Variants in CNTN5 observed in about 807,000 individuals in gnomAD.
CNTN5 encodes the protein contactin 5.
In CNTN5, 77 loss-of-function variants were observed where a neutral mutation model predicts 129.1. The observed-to-expected ratio is 0.60, with a 90% CI of 0.50 to 0.72. The LOEUF (loss-of-function observed/expected upper bound fraction) is 0.72. Ranked by LOEUF, CNTN5 falls within the 30% of genes least tolerant of loss-of-function variation. CNTN5 has a pLI of 0.00. For synonymous variants in CNTN5, 509 were observed against 465.6 expected, an observed-to-expected ratio of 1.09 and a Z score of -1.20; for missense variants, 1,478 against 1,328.8, an observed-to-expected ratio of 1.11 and a Z score of -1.75.
At chr11:99,771,069 T>A (rs143019164) in intron 3 of CNTN5, among the ~76,000 whole-genome samples, 10 of 152,190 alleles carry the variant, frequency 6.6e-5, no homozygotes, top group Admixed American at 2.0e-4. Context: ...TAGTAAATGG[T>A]GTAGAGGAAC....
chr11:99,678,969 A>G (rs2453258), intron 3 of CNTN5, among the ~76,000 whole-genome samples: 2 of 144,634 alleles, frequency 1.4e-5, no homozygotes, highest in East Asian at 2.0e-4. Flanking sequence ...CTCTCTCTCT[A>G]TATATATATA....
intron 16 of CNTN5, among the ~76,000 whole-genome samples, chr11:100,249,289 A>G (rs1053499364): frequency 1.3e-5 from 2 of 152,224 alleles, no homozygotes; most frequent in African/African-American, 4.8e-5. Flanking sequence ...CTAACTGAAC[A>G]TTAAATCAAC....
intron 1 of CNTN5, among the ~76,000 whole-genome samples, chr11:99,253,670 T>C (rs2135799745): frequency 6.6e-6 from 1 of 151,906 alleles, no homozygotes; most frequent in South Asian, 2.1e-4. Flanking sequence ...TTATTTAGAT[T>C]GTATGCACTC....
chr11:99,267,487 A>G (rs1325378637), intron 1 of CNTN5, among the ~76,000 whole-genome samples: 9 of 151,952 alleles, frequency 5.9e-5, no homozygotes. Flanking sequence ...TTTTTCTCTC[A>G]TTATGAAAGT....
At chr11:100,056,412 C>T (rs1943225229) in intron 9 of CNTN5, among the ~76,000 whole-genome samples, 1 of 148,648 alleles carries the variant, frequency 6.7e-6, no homozygotes, top group South Asian at 2.1e-4. Flanking sequence ...TAGATTAAAA[C>T]AAAGTGACAT....
rs146741401 is a variant in CNTN5 at position 99,612,600 on chromosome 11, A to G, written c.55+56331A>G. 6.8e-3 allele frequency among the ~76,000 whole-genome samples: 1,033 copies of G among 152,310 alleles called. 10 individuals carry two copies. Among genetic ancestry groups the G allele is most frequent in the African/African-American group, 0.024 (1,005 of 41,560 alleles). ...TGGAGGATTCTAAGTCTTTCATGAA[A>G]CAACAACGTAGGAGCCTGAGCTCTC... On this transcript the variant is annotated intron_variant, in intron 3 of 24. Transcript: ENST00000524871.
At chr11:99,443,182 A>G (rs1490996596) in intron 2 of CNTN5, among the ~76,000 whole-genome samples, 2 of 152,190 alleles carry the variant, frequency 1.3e-5, no homozygotes, top group Non-Finnish European at 2.9e-5. Flanking sequence ...TTGTTGAATA[A>G]AAGACTGTCT....
intron 2 of CNTN5, among the ~76,000 whole-genome samples, chr11:99,481,025 C>A (rs533488687): frequency 6.6e-6 from 1 of 152,204 alleles, no homozygotes; most frequent in South Asian, 2.1e-4. Context: ...CAGCTTACTG[C>A]AGTCTATAGT....
intron 1 of CNTN5, among the ~76,000 whole-genome samples, chr11:99,194,791 G>T (rs1421882992): frequency 6.6e-6 from 1 of 152,098 alleles, no homozygotes; most frequent in Non-Finnish European, 1.5e-5. Flanking sequence ...TTTTAGTAGA[G>T]ATGGGGTTTC....
Position 100,340,477 on chromosome 11 carries a change from A to G in CNTN5, c.2745A>G (p.Lys915=). The G allele has an allele frequency of 1.2e-6, 2 of 1,609,274 alleles. No homozygotes were observed. The highest frequency in any genetic ancestry group is 1.7e-6 in the Non-Finnish European group (2 of 1,177,744). Residue 915 remains lysine (K), a synonymous_variant, in exon 22 of 25, where the codon AAA becomes AAG. Transcript: ENST00000524871. The part of the protein sequence containing the change: ...RPQGFEVGYW[K]DMEQEDTAET... Reference sequence around the variant, plus strand: ...TTTGTTGATAGGTTGGTTACTGGAAAGACATGGAACAGGAAGATACAGCAG... The same window carrying G: ...TTTGTTGATAGGTTGGTTACTGGAAGGACATGGAACAGGAAGATACAGCAG...
intron 3 of CNTN5, among the ~76,000 whole-genome samples, chr11:99,649,020 A>T (rs1051508641): frequency 4.0e-5 from 6 of 151,728 alleles, no homozygotes; most frequent in Admixed American, 2.0e-4. Context: ...TAGTCAAGAA[A>T]ATACCAAATA....
At chr11:100,037,707 G>A (rs1942102319) in intron 9 of CNTN5, among the ~76,000 whole-genome samples, 2 of 152,168 alleles carry the variant, frequency 1.3e-5, no homozygotes, top group Non-Finnish European at 2.9e-5. Context: ...GAGGATGTAT[G>A]TGTTGAGGAA....
chr11:100,334,459 T>C (rs982962022), intron 21 of CNTN5, among the ~76,000 whole-genome samples: 2 of 152,126 alleles, frequency 1.3e-5, no homozygotes. Context: ...GAAGTCGTTA[T>C]ACGAAAAAGA....
intron 15 of CNTN5, among the ~76,000 whole-genome samples, chr11:100,208,826 T>C (rs1437211286): frequency 6.6e-6 from 1 of 152,182 alleles, no homozygotes; most frequent in Non-Finnish European, 1.5e-5. Context: ...TGGCTTGATC[T>C]GGACTCAGTT....
In CNTN5 at chr11:100,246,068, C is replaced by T. The variant is rs547141380; in HGVS notation, c.2006-9692C>T. Among the ~76,000 whole-genome samples, 4 of 151,986 alleles carry T rather than the reference C, an allele frequency of 2.6e-5. No homozygotes were observed. The South Asian group carries it at 8.3e-4, about 32-fold the overall frequency. On this transcript the variant is annotated intron_variant, in intron 16 of 24. Transcript: ENST00000524871. ...TACATTTTTTCATTTTTGAATGTTT[C>T]ACATATTTTCTATTTTGCTAAAATC...
At chr11:100,229,759 G>A (rs186461675) in intron 16 of CNTN5, among the ~76,000 whole-genome samples, 155 of 152,312 alleles carry the variant, frequency 1.0e-3, no homozygotes, top group Admixed American at 2.4e-3. Flanking sequence ...CTAAATTGAT[G>A]TAAATGTCTA....
chr11:99,465,259 C>T (rs373485665), intron 2 of CNTN5, among the ~76,000 whole-genome samples: 2 of 152,128 alleles, frequency 1.3e-5, no homozygotes, highest in East Asian at 1.9e-4. Flanking sequence ...TTTAGCCCCC[C>T]ACAGCTTCCT....
At chr11:99,336,839 A>C (rs76888538) in intron 2 of CNTN5, among the ~76,000 whole-genome samples, 1 of 151,998 alleles carries the variant, frequency 6.6e-6, no homozygotes, top group African/African-American at 2.4e-5. Flanking sequence ...AAAAAAAAGA[A>C]AAAAAAAGAA....
At chr11:99,786,701 C>G (rs1270943782) in intron 3 of CNTN5, among the ~76,000 whole-genome samples, 2 of 152,132 alleles carry the variant, frequency 1.3e-5, no homozygotes, top group Non-Finnish European at 2.9e-5. Context: ...AATAACACTA[C>G]ACATCTACAA....
Sources: gnomAD v4.1 joint callset for allele counts (sites outside exome capture counted in the v4.1 genomes callset) on GRCh38, gnomAD v4.1.1 for gene constraint, MANE v1.5 for transcripts, NCBI Gene and HGNC (gene_info 2026-07-23, HGNC 2026-07-21) for gene names.